Variants in ARHGEF10 observed in about 807,000 individuals in gnomAD.
ARHGEF10 encodes the protein Rho guanine nucleotide exchange factor 10.
Under a neutral mutation model 147.4 loss-of-function variants are expected in ARHGEF10, and 140 were observed. The ratio of observed to expected loss-of-function variants is 0.95; its 90% CI spans 0.83 to 1.09. The LOEUF is 1.09. Ranked by LOEUF, ARHGEF10 falls within the 50% of genes least tolerant of loss-of-function variation. The pLI is 0.00. For missense variants in ARHGEF10, 2,222 were observed against 1,752.7 expected (o/e 1.27, Z -4.78); for synonymous variants, 902 against 695.8 (o/e 1.30, Z -4.67).
Position 1,883,182 on chromosome 8 carries a change from C to G in ARHGEF10, c.1075+433C>G, listed in dbSNP as rs1346497565. Among the ~76,000 whole-genome samples the G allele has an allele frequency of 2.0e-5, 3 of 152,178 alleles. No homozygotes were observed. In the East Asian group the frequency reaches 5.8e-4, roughly 29 times the overall value. On this transcript the variant is annotated intron_variant, in intron 10 of 28. Coordinates refer to ENST00000349830, the MANE Select transcript of ARHGEF10 (RefSeq NM_014629.4). ...AGATTTGGAGTAGACAGCTGAAGTT[C>G]CAGGTTTTTCTAAACATCTAACGAA...
chr8:1,953,055 T>A (rs1815183697), intron 28 of ARHGEF10, among the ~76,000 whole-genome samples: 2 of 152,290 alleles, frequency 1.3e-5, no homozygotes, highest in Admixed American at 1.3e-4. Flanking sequence ...GTTTTTATAT[T>A]CTGTTTACTG....
At chr8:1,876,844 C>A in intron 8 of ARHGEF10, 110 bp downstream of exon 8, 1 of 1,263,860 alleles carries the variant, frequency 7.9e-7, no homozygotes, top group Non-Finnish European at 1.2e-6. Flanking sequence ...TGTTAAGATG[C>A]TGATAAGTAG....
chr8:1,836,482 G>A (rs1224600325), intron 1 of ARHGEF10, among the ~76,000 whole-genome samples: 1 of 152,150 alleles, frequency 6.6e-6, no homozygotes, highest in Non-Finnish European at 1.5e-5. Context: ...AGCCACGTGG[G>A]CTGACGCCGG....
chr8:1,952,938 T>C, intron 28 of ARHGEF10, 111 bp downstream of exon 28: 1 of 1,465,902 alleles, frequency 6.8e-7, no homozygotes, highest in South Asian at 1.2e-5. Context: ...ATTCATATTA[T>C]CTGTGGTTTT....
intron 28 of ARHGEF10, among the ~76,000 whole-genome samples, chr8:1,953,545 G>T (rs1815232075): frequency 6.6e-6 from 1 of 152,264 alleles, no homozygotes; most frequent in African/African-American, 2.4e-5. Context: ...CTGGAATCAG[G>T]ATTCCCAATC....
intron 26 of ARHGEF10, among the ~76,000 whole-genome samples, chr8:1,944,173 C>T (rs945707375): frequency 6.6e-6 from 1 of 151,086 alleles, no homozygotes; most frequent in Non-Finnish European, 1.5e-5. Flanking sequence ...ATCCCAGCTT[C>T]CCGCACCGTG....
intron 2 of ARHGEF10, among the ~76,000 whole-genome samples, chr8:1,851,028 G>A (rs1040449746): frequency 6.6e-6 from 1 of 152,152 alleles, no homozygotes; most frequent in Non-Finnish European, 1.5e-5. Flanking sequence ...GGTTGCTAGG[G>A]GTTTGCGGGG....
chr8:1,931,199 C>T (rs1813115281), intron 25 of ARHGEF10, among the ~76,000 whole-genome samples: 1 of 152,242 alleles, frequency 6.6e-6, no homozygotes, highest in Non-Finnish European at 1.5e-5. Flanking sequence ...TGCCTGTGTT[C>T]CTACCACTCT....
intron 27 of ARHGEF10, among the ~76,000 whole-genome samples, chr8:1,949,103 C>T (rs1012085754): frequency 6.6e-6 from 1 of 152,122 alleles, no homozygotes; most frequent in Non-Finnish European, 1.5e-5. Flanking sequence ...CAGGTAGCTT[C>T]TGCAAATGAA....
chr8:1,856,362 C>T (rs961927203), intron 2 of ARHGEF10, among the ~76,000 whole-genome samples: 3 of 152,300 alleles, frequency 2.0e-5, no homozygotes, highest in Admixed American at 6.5e-5. Context: ...TCATCCCCAC[C>T]GTCCTTGCAG....
At chr8:1,949,620 A>G (rs1451363471) in intron 27 of ARHGEF10, among the ~76,000 whole-genome samples, 15 of 152,190 alleles carry the variant, frequency 9.9e-5, no homozygotes, top group Admixed American at 9.8e-4. Flanking sequence ...GCGAATACAG[A>G]GCCTCCAGGA....
At chr8:1,879,244 A>C (rs1255806216) in intron 8 of ARHGEF10, among the ~76,000 whole-genome samples, 1 of 152,184 alleles carries the variant, frequency 6.6e-6, no homozygotes, top group African/African-American at 2.4e-5. Flanking sequence ...GGGGGTCCCC[A>C]GTCCCGTCAG....
chr8:1,864,975 T>G (rs369071217), intron 5 of ARHGEF10, among the ~76,000 whole-genome samples: 3 of 152,340 alleles, frequency 2.0e-5, no homozygotes, highest in Non-Finnish European at 4.4e-5. Flanking sequence ...AATATGTGCA[T>G]TGAAAATAGG....
Position 1,957,025 on chromosome 8 carries a change from C to T in ARHGEF10, c.3797C>T (p.Ser1266Phe). The T allele has an allele frequency of 2.5e-6, 4 of 1,614,020 alleles. No individual in the cohort carries two copies. Among genetic ancestry groups the T allele is most frequent in the South Asian group, 1.1e-5 (1 of 91,086 alleles). Residue 1266 changes from serine to phenylalanine, a missense_variant, in exon 29 of 29, where the codon TCT becomes TTT. Ser to Phe is a radical substitution (Grantham distance 155). Transcript: ENST00000349830. Reference sequence around the variant, plus strand: ...TCCTCATCTGGGTCCCTGAGCTTGTCTCACGGCTCCAGCTCTCTAGAGCAC... The same window carrying T: ...TCCTCATCTGGGTCCCTGAGCTTGTTTCACGGCTCCAGCTCTCTAGAGCAC... ...LSSSSGSLSL[S>F]HGSSSLEHRS...
At chr8:1,889,148 T>TC (rs1457777526) in intron 11 of ARHGEF10, among the ~76,000 whole-genome samples, 2 of 58,782 alleles carry the variant, frequency 3.4e-5, no homozygotes, top group Admixed American at 1.8e-4. Context: ...GGGGTGAGGG[T>TC]TGTGAGGAGA....
In ARHGEF10 at chr8:1,842,072, G is replaced by C. The variant is rs185044145; in HGVS notation, c.-47-1281G>C. ...CCGCGGCGGGAACTGGGGCCGCGGC[G>C]GGAACTGGGGCCGCGAGGCGCCGAA... On this transcript the variant is annotated intron_variant, in intron 1 of 28. Transcript: ENST00000349830. 1.3e-4 allele frequency among the ~76,000 whole-genome samples: 18 copies of C among 139,356 alleles called. 1 individual carries two copies. The highest frequency in any genetic ancestry group is 3.8e-4 in the Admixed American group (5 of 13,080). The allele number at this position is 139,356 out of a possible 152,430, so 91.4% of individuals were successfully genotyped here. A position where few individuals can be genotyped will look rare whatever the true frequency, so the allele number is the denominator to read the frequency against.
chr8:1,923,637 G>T, intron 20 of ARHGEF10, 42 bp downstream of exon 20: 1 of 1,614,080 alleles, frequency 6.2e-7, no homozygotes, highest in African/African-American at 1.3e-5. Flanking sequence ...GGCCAATGCT[G>T]GGGAGAAAAT....
At chr8:1,952,078 T>C (rs565950559) in intron 27 of ARHGEF10, among the ~76,000 whole-genome samples, 3 of 152,244 alleles carry the variant, frequency 2.0e-5, no homozygotes, top group Non-Finnish European at 4.4e-5. Flanking sequence ...GTAAAGCAAA[T>C]CAAAACCAAA....
intron 26 of ARHGEF10, among the ~76,000 whole-genome samples, chr8:1,944,087 C>CTGGGGACCCCAGCCTCCCACACCATG: frequency 6.6e-6 from 1 of 151,088 alleles, no homozygotes; most frequent in East Asian, 1.9e-4. Context: ...TGTCACCTCC[C>CTGGGGACCCCAGCCTCCCACACCATG]TCGGGACCCC....
Sources: gnomAD v4.1 joint callset for allele counts (sites outside exome capture counted in the v4.1 genomes callset) on GRCh38, gnomAD v4.1.1 for gene constraint, MANE v1.5 for transcripts, NCBI Gene and HGNC (gene_info 2026-07-23, HGNC 2026-07-21) for gene names.